Variants in SLC25A20 observed in about 807,000 individuals in gnomAD.
SLC25A20 encodes solute carrier family 25 member 20.
A neutral mutation model predicts 39.7 loss-of-function variants in SLC25A20; 29 were observed. The ratio of observed to expected loss-of-function variants is 0.73; its 90% confidence interval spans 0.54 to 1.00. SLC25A20 has a LOEUF of 1.00. SLC25A20 is among the 50% of genes least tolerant of loss of function. SLC25A20 has a pLI of 0.00. For missense variants in SLC25A20, 333 were observed against 379.9 expected, an observed-to-expected ratio of 0.88 and a Z score of 1.03; for synonymous variants, 103 against 142.2, an observed-to-expected ratio of 0.72 and a Z score of 1.96.
At chr3:48,883,662 T>G in intron 3 of SLC25A20, among the ~76,000 whole-genome samples, 1 of 130,844 alleles carries the variant, frequency 7.6e-6, no homozygotes, top group Middle Eastern at 4.0e-3. Flanking sequence ...GCTCCGTTGC[T>G]CAGGTTGGAG....
intron 1 of SLC25A20, among the ~76,000 whole-genome samples, chr3:48,892,429 T>C (rs540935870): frequency 4.7e-4 from 72 of 152,288 alleles, no homozygotes; most frequent in African/African-American, 1.5e-3. Context: ...CGGTATTGTA[T>C]TGGTCAGAAT....
chr3:48,886,035 T>A, intron 2 of SLC25A20, among the ~76,000 whole-genome samples: 1 of 152,144 alleles, frequency 6.6e-6, no homozygotes, highest in South Asian at 2.1e-4. Flanking sequence ...GGAATGCACA[T>A]CATACTTCAT....
At chr3:48,880,764 C>T (rs527362868) in intron 3 of SLC25A20, among the ~76,000 whole-genome samples, 7 of 151,622 alleles carry the variant, frequency 4.6e-5, no homozygotes, top group South Asian at 2.1e-4. Context: ...GACAGAGTTT[C>T]GCCATGTTGC....
At chr3:48,866,585 A>C (rs1256013429) in intron 4 of SLC25A20, among the ~76,000 whole-genome samples, 1 of 151,978 alleles carries the variant, frequency 6.6e-6, no homozygotes, top group Non-Finnish European at 1.5e-5. Context: ...AACAAAAACA[A>C]GAAACAACTT....
intron 4 of SLC25A20, among the ~76,000 whole-genome samples, chr3:48,876,646 G>A (rs909282235): frequency 4.0e-5 from 6 of 151,182 alleles, no homozygotes; most frequent in South Asian, 4.2e-4. Flanking sequence ...GGCTGGTCTC[G>A]AACTCCTGAC....
intron 4 of SLC25A20, among the ~76,000 whole-genome samples, chr3:48,872,620 G>A (rs1427475648): frequency 1.3e-5 from 2 of 149,552 alleles, no homozygotes; most frequent in Non-Finnish European, 3.0e-5. Flanking sequence ...GGAGGCCAAG[G>A]CAGGAGGAAT....
chr3:48,896,788 G>T (rs1411086870), intron 1 of SLC25A20, among the ~76,000 whole-genome samples: 1 of 151,910 alleles, frequency 6.6e-6, no homozygotes, highest in African/African-American at 2.4e-5. Flanking sequence ...AAAGTGCTGG[G>T]ATTAACAGGC....
chr3:48,873,280 G>A (rs972845164), intron 4 of SLC25A20, among the ~76,000 whole-genome samples: 5 of 151,898 alleles, frequency 3.3e-5, no homozygotes, highest in African/African-American at 4.8e-5. Flanking sequence ...ACCACTTTGG[G>A]AGGCCAAGGC....
intron 1 of SLC25A20, among the ~76,000 whole-genome samples, chr3:48,892,974 T>G (rs1357647664): frequency 6.6e-6 from 1 of 152,108 alleles, no homozygotes; most frequent in East Asian, 1.9e-4. Flanking sequence ...CCATAAGCAG[T>G]CTAGGAGGGT....
At chr3:48,891,868 G>A in intron 2 of SLC25A20, 112 bp downstream of exon 2, 2 of 887,564 alleles carry the variant, frequency 2.3e-6, no homozygotes. Flanking sequence ...AGCGGCAGCT[G>A]TGAGCTAGCT....
At chr3:48,898,382 A>G (rs1348379975) in intron 1 of SLC25A20, among the ~76,000 whole-genome samples, 2 of 152,202 alleles carry the variant, frequency 1.3e-5, no homozygotes, top group African/African-American at 2.4e-5. Context: ...AACCAAAACT[A>G]TGGAGAGACG....
chr3:48,859,257 G>T, intron 6 of SLC25A20, 56 bp from the exon 7 acceptor site: 1 of 1,498,244 alleles, frequency 6.7e-7, no homozygotes, highest in South Asian at 1.1e-5. Context: ...GTGGCATTCA[G>T]ACTATCCTGC....
chr3:48,877,741 T>A, intron 4 of SLC25A20, among the ~76,000 whole-genome samples: 1 of 146,962 alleles, frequency 6.8e-6, no homozygotes. Context: ...AAAAAAGAAA[T>A]AAAGAAAGAA....
intron 4 of SLC25A20, among the ~76,000 whole-genome samples, chr3:48,876,373 T>C (rs2106650377): frequency 6.6e-6 from 1 of 151,784 alleles, no homozygotes; most frequent in Non-Finnish European, 1.5e-5. Context: ...ATCCAAAGAC[T>C]TTACATACTG....
Position 48,863,038 on chromosome 3 carries a change from A to G in SLC25A20, c.418-379T>C, listed in dbSNP as rs900131835. ...GAAACCCTGTCTCTACGAAAAATACAAAAATTAGCTGGGCATGGTGGTGGG... is the reference window on the plus strand; with the variant it reads ...GAAACCCTGTCTCTACGAAAAATACGAAAATTAGCTGGGCATGGTGGTGGG... On this transcript the variant is annotated intron_variant, in intron 4 of 8. Transcript: ENST00000319017. Among the ~76,000 whole-genome samples, 3 of 152,218 alleles carry G rather than the reference A, an allele frequency of 2.0e-5. No homozygotes were observed. The South Asian group carries it at 6.2e-4, about 32-fold the overall frequency.
rs2083748650 is a variant in SLC25A20, at chr3:48,875,428, G to T, written c.417+3930C>A. Among the ~76,000 whole-genome samples the T allele has an allele frequency of 2.0e-5, 3 of 151,726 alleles. No individual in the cohort carries two copies. In the South Asian group the frequency reaches 6.3e-4, roughly 32 times the overall value. ...TTATTTATTTTTTAATTTATTTTTT[G>T]ATTTAGTTTTTCGCTTTGTCACCCA... On this transcript the variant is annotated intron_variant, in intron 4 of 8. Coordinates refer to ENST00000319017, the MANE Select transcript of SLC25A20 (RefSeq NM_000387.6).
At position 48,883,470 on chromosome 3, in the gene SLC25A20, G is replaced by A. The variant is rs908281779; in HGVS notation, c.326+527C>T. ...GGAGGCTAAGACAGGAGAATTGCTT[G>A]TACCTGGGAGGCGGAGGTTGCAGTG... On this transcript the variant is annotated intron_variant, in intron 3 of 8. Transcript: ENST00000319017. 1.7e-4 allele frequency among the ~76,000 whole-genome samples: 26 copies of A among 151,074 alleles called. 1 individual carries two copies. Among genetic ancestry groups the A allele is most frequent in the Admixed American group, 1.5e-3 (23 of 15,162 alleles).
intron 8 of SLC25A20, among the ~76,000 whole-genome samples, chr3:48,858,255 A>T (rs1044325526): frequency 6.6e-6 from 1 of 151,978 alleles, no homozygotes; most frequent in Non-Finnish European, 1.5e-5. Context: ...GGCACTAGCC[A>T]CCATGCCTGG....
At chr3:48,894,747 G>C (rs963125648) in intron 1 of SLC25A20, among the ~76,000 whole-genome samples, 2 of 152,094 alleles carry the variant, frequency 1.3e-5, no homozygotes, top group African/African-American at 4.8e-5. Flanking sequence ...TGCCTCATTG[G>C]AGGAAACTGG....
Sources: allele counts gnomAD v4.1 joint callset (sites outside exome capture counted in the v4.1 genomes callset), GRCh38; gene constraint gnomAD v4.1.1; transcripts MANE v1.5; gene names NCBI Gene and HGNC (gene_info 2026-07-23, HGNC 2026-07-21).